The following ATP11A variants were observed in gnomAD, a reference collection of about 807,000 sequenced individuals.
ATP11A encodes phospholipid-transporting ATPase IH.
A neutral mutation model predicts 154.4 loss-of-function variants in ATP11A; 81 were observed. The ratio of observed to expected loss-of-function variants is 0.52; its 90% confidence interval spans 0.44 to 0.63. The LOEUF (loss-of-function observed/expected upper bound fraction) is 0.63, where lower values mean the gene tolerates loss of function less well. ATP11A is among the 30% of genes least tolerant of loss of function. ATP11A has a pLI of 0.00. For missense variants in ATP11A, 1,316 were observed against 1,474.3 expected, an observed-to-expected ratio of 0.89 and a Z score of 1.76; for synonymous variants, 623 against 585.9, an observed-to-expected ratio of 1.06 and a Z score of -0.91.
chr13:112,732,999 G>T (rs922609995), intron 1 of ATP11A, among the ~76,000 whole-genome samples: 3 of 152,308 alleles, frequency 2.0e-5, no homozygotes, highest in Middle Eastern at 6.8e-3. Flanking sequence ...CTATTTTAGA[G>T]TTGGAGCAAT....
intron 2 of ATP11A, among the ~76,000 whole-genome samples, chr13:112,802,552 C>CAAAA (rs35889771): frequency 2.3e-4 from 19 of 80,914 alleles, no homozygotes; most frequent in African/African-American, 8.0e-4. Context: ...ACTGGACATG[C>CAAAA]AAAAAAAAAA....
At chr13:112,825,968 T>C (rs432259) in intron 11 of ATP11A, among the ~76,000 whole-genome samples, 104,706 of 151,886 alleles carry the variant, frequency 0.69, 37,773 homozygotes, top group African/African-American at 0.91. Flanking sequence ...AACCGAGACC[T>C]GTGTCCACTG....
At chr13:112,694,933 G>C (rs1297046454) in intron 1 of ATP11A, among the ~76,000 whole-genome samples, 3 of 152,110 alleles carry the variant, frequency 2.0e-5, no homozygotes, top group African/African-American at 7.2e-5. Flanking sequence ...AGAAAGTCCA[G>C]CTATTTATAT....
chr13:112,769,601 C>G (rs141410564), intron 1 of ATP11A, among the ~76,000 whole-genome samples: 3 of 152,228 alleles, frequency 2.0e-5, no homozygotes, highest in Non-Finnish European at 2.9e-5. Flanking sequence ...ATGTGAACCT[C>G]GACACCACCC....
intron 9 of ATP11A, among the ~76,000 whole-genome samples, chr13:112,824,096 T>C (rs927179482): frequency 1.3e-5 from 2 of 152,210 alleles, no homozygotes; most frequent in East Asian, 3.8e-4. Flanking sequence ...GTGGACATGG[T>C]GGGCCCAGTG....
chr13:112,752,967 A>T (rs1020135496), intron 1 of ATP11A, among the ~76,000 whole-genome samples: 3 of 152,192 alleles, frequency 2.0e-5, no homozygotes, highest in Non-Finnish European at 4.4e-5. Context: ...CATATGCTAC[A>T]TGGTCTACAC....
rs755520551 is a variant in ATP11A at position 112,859,413 on chromosome 13, T to G, written c.2688T>G (p.Pro896=). The G allele has an allele frequency of 6.2e-7, 1 of 1,614,042 alleles. No individual in the cohort carries two copies. Among genetic ancestry groups the G allele is most frequent in the South Asian group, 1.1e-5 (1 of 91,084 alleles). Reference sequence around the variant, plus strand: ...TTCAGAACGTCTGCTTCATCTTCCCTCAGTTTTTATACCAGTTCTTCTGTG... The same window carrying G: ...TTCAGAACGTCTGCTTCATCTTCCCGCAGTTTTTATACCAGTTCTTCTGTG... The part of the protein sequence containing the change: ...FFYKNVCFIF[P]QFLYQFFCGF... The change falls in exon 23 of 30, where the codon CCT becomes CCG. Residue 896 remains proline, a synonymous_variant. Transcript: ENST00000375645. The surrounding 1 kb of genome is among the most constrained non-coding windows in gnomAD (Gnocchi z 4.3).
chr13:112,852,854 C>A (rs1324817280), intron 18 of ATP11A, among the ~76,000 whole-genome samples: 1 of 151,932 alleles, frequency 6.6e-6, no homozygotes, highest in African/African-American at 2.4e-5. Context: ...AATCTCCAGT[C>A]AGCAAGTGCG....
In ATP11A at chr13:112,845,604, A is replaced by G. The variant is rs868044345; in HGVS notation, c.1809+3225A>G. On this transcript the variant is annotated intron_variant, in intron 17 of 29. Transcript: ENST00000375645. ...ACTAGTGGTTCTAACCAGTCCAGTT[A>G]CCAGGCACTAGCGGTACTAACCAGT... Among the ~76,000 whole-genome samples, 66 of 81,166 alleles carry G rather than the reference A, an allele frequency of 8.1e-4. 5 individuals are homozygous for G. The highest frequency in any genetic ancestry group is 4.2e-3 in the African/African-American group (60 of 14,368). 53.2% of individuals were successfully genotyped at this position (81,166 alleles called of 152,430 possible). A position where few individuals can be genotyped will look rare whatever the true frequency, so the allele number is the denominator to read the frequency against.
intron 25 of ATP11A, among the ~76,000 whole-genome samples, chr13:112,870,742 G>A (rs2080490600): frequency 6.6e-6 from 1 of 152,332 alleles, no homozygotes; most frequent in East Asian, 1.9e-4. Context: ...CGATAAACTA[G>A]AAATCGTCTG....
chr13:112,795,023 C>A lies in ATP11A; in HGVS notation c.162+9766C>A, dbSNP rs574754316. On this transcript the variant is annotated intron_variant, in intron 2 of 29. Transcript: ENST00000375645. ...CTTTGGGAGGCTGAGGCAGGTGGAT[C>A]ACCTGAAGTCAGGAGTTCAAGATCA... Among the ~76,000 whole-genome samples, 8 of 152,262 alleles carry A rather than the reference C, an allele frequency of 5.3e-5. No homozygotes were observed. In the South Asian group the frequency reaches 1.7e-3, roughly 32 times the overall value.
At chr13:112,789,693 G>C (rs1275468697) in intron 2 of ATP11A, among the ~76,000 whole-genome samples, 1 of 150,416 alleles carries the variant, frequency 6.6e-6, no homozygotes, top group Non-Finnish European at 1.5e-5. Flanking sequence ...CTGACGTGTA[G>C]ACCCCTGTGG....
At chr13:112,738,042 G>A (rs1035049842) in intron 1 of ATP11A, among the ~76,000 whole-genome samples, 21 of 152,102 alleles carry the variant, frequency 1.4e-4, no homozygotes, top group South Asian at 4.1e-4. Flanking sequence ...TCTGTTCAGC[G>A]CCGGCTTCCC....
intron 1 of ATP11A, among the ~76,000 whole-genome samples, chr13:112,705,391 T>TGGGATTCTCGTAGGGGAGGGTGTG (rs1484881464): frequency 1.3e-4 from 18 of 136,514 alleles, no homozygotes; most frequent in African/African-American, 6.7e-4. Context: ...TGCTCAGCAG[T>TGGGATTCTCGTAGGGGAGGGTGTG]TGATGTTCAT....
In ATP11A at chr13:112,832,981, C is replaced by T. The variant is rs746814184; in HGVS notation, c.1517C>T (p.Ser506Leu). The T allele has an allele frequency of 1.2e-6, 2 of 1,613,696 alleles. No individual in the cohort carries two copies. The highest frequency in any genetic ancestry group is 1.7e-6 in the Non-Finnish European group (2 of 1,179,884). ...GGGGGGAAATCCTGTGTGTACATCT[C>T]ATCCTCGCCCGACGAGGTGGCGCTG... ...PDGGKSCVYI[S>L]SSPDEVALVE... The change falls in exon 14 of 30, where the codon TCA becomes TTA. Residue 506 changes from serine (S) to leucine (L), a missense_variant. Physicochemically the swap from Ser to Leu is moderately radical, Grantham distance 145. Around this residue, in one of 5 missense-constraint regions of ATP11A, gnomAD observed 876 missense variants for 1,006.8 expected, o/e 0.87. Coordinates refer to ENST00000375645, the MANE Select transcript of ATP11A (RefSeq NM_015205.3).
intron 1 of ATP11A, among the ~76,000 whole-genome samples, chr13:112,778,429 A>C (rs1429225587): frequency 6.6e-6 from 1 of 152,274 alleles, no homozygotes; most frequent in Admixed American, 6.5e-5. Flanking sequence ...TGAGGTAGCT[A>C]GAAATACATT....
intron 1 of ATP11A, among the ~76,000 whole-genome samples, chr13:112,714,060 ACGC>A (rs1888125555): frequency 8.5e-5 from 1 of 11,738 alleles, no homozygotes; most frequent in Non-Finnish European, 1.6e-4. Context: ...CCCTGATCCC[ACGC>A]CTCCCTTCCA....
intron 15 of ATP11A, among the ~76,000 whole-genome samples, chr13:112,835,331 G>T (rs1258784533): frequency 6.6e-6 from 1 of 152,226 alleles, no homozygotes; most frequent in African/African-American, 2.4e-5. Flanking sequence ...AGATCTGGTG[G>T]TGATGGCCTC....
intron 1 of ATP11A, among the ~76,000 whole-genome samples, chr13:112,756,242 T>G (rs2076829420): frequency 6.6e-6 from 1 of 152,160 alleles, no homozygotes; most frequent in African/African-American, 2.4e-5. Context: ...CCAGGCAGGG[T>G]CTACGATTCT....
Sources: allele counts gnomAD v4.1 joint callset (sites outside exome capture counted in the v4.1 genomes callset), GRCh38; gene constraint gnomAD v4.1.1; regional missense constraint gnomAD v4.1.1; non-coding constraint Gnocchi (gnomAD v3.1); transcripts MANE v1.5; gene names NCBI Gene and HGNC (gene_info 2026-07-23, HGNC 2026-07-21).